The following GRID2 variants were observed in gnomAD, a reference collection of about 807,000 sequenced individuals.
GRID2 encodes the protein glutamate receptor ionotropic, delta-2.
GRID2 carries 33 observed loss-of-function variants against 114.8 expected under a neutral mutation model. That is an observed-to-expected ratio of 0.29 (90% CI 0.22 to 0.38). GRID2 has a LOEUF of 0.38. Among genes scored for constraint, GRID2 ranks in the 10% least tolerant of loss-of-function variants. The pLI, the probability that GRID2 is intolerant of heterozygous loss-of-function variation, is 1.00. For synonymous variants in GRID2, 505 were observed against 449.9 expected (o/e 1.12, Z -1.55); for missense variants, 1,184 against 1,257.7 (o/e 0.94, Z 0.89).
chr4:92,668,585 T>C (rs528884551), intron 2 of GRID2, among the ~76,000 whole-genome samples: 7 of 151,832 alleles, frequency 4.6e-5, no homozygotes, highest in Non-Finnish European at 7.4e-5. Flanking sequence ...TAGATTTTAG[T>C]TGAGCAATCT....
intron 8 of GRID2, among the ~76,000 whole-genome samples, chr4:93,269,300 T>C (rs1751177686): frequency 6.6e-6 from 1 of 152,206 alleles, no homozygotes; most frequent in Non-Finnish European, 1.5e-5. Context: ...TCAGGCATTT[T>C]TAAAAAAAGT....
At chr4:92,381,048 T>C (rs944551603) in intron 1 of GRID2, among the ~76,000 whole-genome samples, 1 of 152,084 alleles carries the variant, frequency 6.6e-6, no homozygotes, top group African/African-American at 2.4e-5. Flanking sequence ...TTAGTGTCTC[T>C]AATGTGTCAT....
chr4:93,244,288 T>C (rs1193449471), intron 8 of GRID2, among the ~76,000 whole-genome samples: 2 of 151,842 alleles, frequency 1.3e-5, no homozygotes, highest in African/African-American at 4.8e-5. Context: ...TAATGCTTAA[T>C]ATCTTCATAA....
chr4:93,443,353 G>A (rs1032274805), intron 10 of GRID2, among the ~76,000 whole-genome samples: 4 of 151,742 alleles, frequency 2.6e-5, no homozygotes, highest in Admixed American at 2.6e-4. Context: ...CCTAGTATGA[G>A]TATTGCTTAG....
chr4:92,486,678 T>G (rs1195666991), intron 1 of GRID2, among the ~76,000 whole-genome samples: 1 of 149,230 alleles, frequency 6.7e-6, no homozygotes, highest in African/African-American at 2.5e-5. Context: ...TACTTGCAAA[T>G]CATATATGTC....
chr4:92,496,358 CAA>C (rs1723389814), intron 1 of GRID2, among the ~76,000 whole-genome samples: 1 of 151,672 alleles, frequency 6.6e-6, no homozygotes, highest in East Asian at 1.9e-4. Flanking sequence ...GAAAACAAAA[CAA>C]AACAAAACAG....
chr4:93,460,496 A>G (rs1723639367), intron 11 of GRID2, among the ~76,000 whole-genome samples: 1 of 152,156 alleles, frequency 6.6e-6, no homozygotes, highest in South Asian at 2.1e-4. Flanking sequence ...TCTACTTTCA[A>G]GAAGTCTTTC....
intron 1 of GRID2, among the ~76,000 whole-genome samples, chr4:92,581,021 T>C (rs552022484): frequency 2.0e-4 from 31 of 152,000 alleles, no homozygotes; most frequent in African/African-American, 6.0e-4. Context: ...TAATAGGATA[T>C]TGTTTCAATT....
chr4:93,418,219 A>G (rs1381417775), intron 9 of GRID2, among the ~76,000 whole-genome samples: 1 of 151,702 alleles, frequency 6.6e-6, no homozygotes, highest in Non-Finnish European at 1.5e-5. Flanking sequence ...AGTACTTGGG[A>G]TTATCAGACT....
chr4:92,759,574 GTGTGTATA>G (rs1737889138), intron 2 of GRID2, among the ~76,000 whole-genome samples: 1 of 151,884 alleles, frequency 6.6e-6, no homozygotes. Flanking sequence ...TATATGTTAT[GTGTGTATA>G]TGTGTATCAT....
intron 4 of GRID2, among the ~76,000 whole-genome samples, chr4:93,138,978 C>T (rs1309176282): frequency 6.6e-6 from 1 of 152,184 alleles, no homozygotes; most frequent in Non-Finnish European, 1.5e-5. Flanking sequence ...TTCATTTACT[C>T]TAAACATTTT....
intron 2 of GRID2, chr4:92,702,466 C>A (rs1185232236): frequency 6.6e-6 from 1 of 151,936 alleles, no homozygotes; most frequent in Non-Finnish European, 1.5e-5. Flanking sequence ...ATTTTAGGCC[C>A]CTATGGACTA....
chr4:93,391,269 A>G (rs192363178), intron 8 of GRID2, among the ~76,000 whole-genome samples: 4 of 152,292 alleles, frequency 2.6e-5, no homozygotes, highest in Admixed American at 6.5e-5. Context: ...CTTCTATAAA[A>G]CATGTATCTG....
intron 2 of GRID2, among the ~76,000 whole-genome samples, chr4:92,920,528 T>C (rs1749228414): frequency 6.6e-6 from 1 of 152,194 alleles, no homozygotes; most frequent in South Asian, 2.1e-4. Flanking sequence ...CAGGAGCTCT[T>C]TTAGGGCAGG....
At chr4:92,333,268 G>A (rs1262514381) in intron 1 of GRID2, among the ~76,000 whole-genome samples, 2 of 152,222 alleles carry the variant, frequency 1.3e-5, no homozygotes, top group African/African-American at 4.8e-5. Flanking sequence ...GCCACGATTA[G>A]GGGTCAGTTG....
At chr4:93,628,583 T>A (rs1211287221) in intron 14 of GRID2, among the ~76,000 whole-genome samples, 1 of 152,108 alleles carries the variant, frequency 6.6e-6, no homozygotes, top group East Asian at 1.9e-4. Flanking sequence ...GTTGTGAGGA[T>A]GGAAAAGCAT....
intron 2 of GRID2, among the ~76,000 whole-genome samples, chr4:92,749,616 T>C (rs1737341670): frequency 6.6e-6 from 1 of 152,084 alleles, no homozygotes; most frequent in African/African-American, 2.4e-5. Flanking sequence ...TCCAAGACAG[T>C]AGATGCGCTG....
At chr4:92,671,561 A>G (rs907498685) in intron 2 of GRID2, among the ~76,000 whole-genome samples, 1 of 152,082 alleles carries the variant, frequency 6.6e-6, no homozygotes, top group Non-Finnish European at 1.5e-5. Flanking sequence ...TTCCAAACAG[A>G]CAGTTTTTCC....
intron 13 of GRID2, among the ~76,000 whole-genome samples, chr4:93,518,966 T>G (rs1730070931): frequency 6.6e-6 from 1 of 152,102 alleles, no homozygotes; most frequent in African/African-American, 2.4e-5. Flanking sequence ...AGATGAATCA[T>G]GTAGGGTCTA....
Sources: gnomAD v4.1 joint callset for allele counts (sites outside exome capture counted in the v4.1 genomes callset) on GRCh38, gnomAD v4.1.1 for gene constraint, MANE v1.5 for transcripts, NCBI Gene and HGNC (gene_info 2026-07-23, HGNC 2026-07-21) for gene names.